FAM240C: variants seen among roughly 807,000 people sequenced by gnomAD.
FAM240C encodes protein FAM240C.
FAM240C carries 14 observed loss-of-function variants against 10.0 expected under a neutral mutation model. That is an observed-to-expected ratio of 1.40 (90% CI 0.92 to 2.19). FAM240C has a LOEUF of 2.19. FAM240C is among the 30% of genes most tolerant of loss of function. The probability of loss-of-function intolerance (pLI) is 0.00; values close to 1 mark genes in which losing one functional copy is unlikely to be tolerated. For synonymous variants in FAM240C, 49 were observed against 44.3 expected (o/e 1.11, Z -0.42); for missense variants, 154 against 122.3 (o/e 1.26, Z -1.22).
upstream of FAM240C, chr2:241,900,483 G>T: frequency 1.5e-6 from 1 of 683,056 alleles, no homozygotes; most frequent in East Asian, 2.7e-5. The surrounding 1 kb of genome is among the most constrained non-coding windows in gnomAD (Gnocchi z 4.5). Context: ...TCAGTGACAC[G>T]CATGCTTGGC....
intron 2 of FAM240C, among the ~76,000 whole-genome samples, chr2:241,896,521 G>A (rs1701811662): frequency 1.5e-5 from 2 of 130,736 alleles, no homozygotes; most frequent in Middle Eastern, 4.1e-3. Context: ...GGGTGTTGGG[G>A]TGTGGGTGTT....
At chr2:241,896,285 A>G (rs1335539612) in intron 2 of FAM240C, among the ~76,000 whole-genome samples, 1 of 151,904 alleles carries the variant, frequency 6.6e-6, no homozygotes, top group Non-Finnish European at 1.5e-5. Flanking sequence ...GCACCCATAG[A>G]CCCCTGGCCT....
intron 2 of FAM240C, 74 bp downstream of exon 2, chr2:241,897,112 G>T: frequency 6.7e-7 from 1 of 1,487,088 alleles, no homozygotes. Flanking sequence ...CACACTGCTG[G>T]CGGGGCTGTG....
intron 1 of FAM240C, 36 bp from the exon 2 acceptor site, chr2:241,897,370 T>G: frequency 1.3e-6 from 2 of 1,543,178 alleles, no homozygotes; most frequent in South Asian, 1.2e-5. Flanking sequence ...CTCAGTCACC[T>G]TATGCCATTC....
intron 1 of FAM240C, chr2:241,899,228 A>G: frequency 7.7e-7 from 1 of 1,303,592 alleles, no homozygotes; most frequent in South Asian, 1.2e-5. Flanking sequence ...GGGGGCTTCC[A>G]GCTGCAGAGG....
intron 2 of FAM240C, among the ~76,000 whole-genome samples, chr2:241,896,889 C>T (rs1006494561): frequency 2.1e-5 from 3 of 142,562 alleles, no homozygotes; most frequent in Non-Finnish European, 3.1e-5. Flanking sequence ...TGTCCGTGGG[C>T]ATTGGGGTGT....
intron 1 of FAM240C, chr2:241,899,352 A>G: frequency 1.0e-6 from 1 of 985,310 alleles, no homozygotes; most frequent in Non-Finnish European, 1.2e-6. Flanking sequence ...CCTTTGTTCC[A>G]GAAACTTAGA....
Position 241,897,242 on chromosome 2 carries a change from A to G in FAM240C, c.105T>C (p.His35=). 1 of 1,549,948 alleles carries G rather than the reference A, an allele frequency of 6.5e-7. No homozygotes were observed. Among genetic ancestry groups the G allele is most frequent in the South Asian group, 1.2e-5 (1 of 84,068 alleles). Residue 35 remains histidine, a synonymous_variant, in exon 2 of 3, where the codon CAT becomes CAC. Coordinates refer to ENST00000404031, the MANE Select transcript of FAM240C (RefSeq NM_001382368.1). ...CCTCGTTCTGCAGGTGTCTTGCGTG[A>G]TGCTCGATTTTTTTCTCCCAAAACA... ...IKMFWEKKIE[H]HARHLQNEDI...
chr2:241,896,955 G>C (rs933522128), intron 2 of FAM240C, among the ~76,000 whole-genome samples: 6 of 151,768 alleles, frequency 4.0e-5, no homozygotes, highest in Admixed American at 6.6e-5. Context: ...GGTTAGCAAC[G>C]TGGTGTCTTG....
chr2:241,900,161 C>A lies in FAM240C; in HGVS notation c.12+197G>T, dbSNP rs1701948618. On this transcript the variant is annotated intron_variant, in intron 1 of 2. Coordinates refer to ENST00000404031, the MANE Select transcript of FAM240C (RefSeq NM_001382368.1). This position sits in a 1 kb window ranked among gnomAD's most constrained non-coding sequence, Gnocchi z 4.5. ...GTGAGGCAGGTGATGGAGACACTCT[C>A]CCCCCACCAAAGGTGTTGACAGCAG... Among the ~76,000 whole-genome samples the A allele has an allele frequency of 6.6e-6, 1 of 152,142 alleles. No homozygotes were observed. The highest frequency in any genetic ancestry group is 2.4e-5 in the African/African-American group (1 of 41,430).
chr2:241,901,722 C>T (rs552940047), upstream of FAM240C, among the ~76,000 whole-genome samples: 1 of 152,324 alleles, frequency 6.6e-6, no homozygotes, highest in African/African-American at 2.4e-5. The surrounding 1 kb of genome is among the most constrained non-coding windows in gnomAD (Gnocchi z 4.9). Flanking sequence ...AAAACCGCTG[C>T]GTGCAGCACC....
upstream of FAM240C, among the ~76,000 whole-genome samples, chr2:241,900,906 G>C (rs1394119871): frequency 1.3e-5 from 2 of 152,078 alleles, no homozygotes; most frequent in Admixed American, 6.5e-5. This position sits in a 1 kb window ranked among gnomAD's most constrained non-coding sequence, Gnocchi z 4.5. Flanking sequence ...GCTGGCTCTC[G>C]CGGTGACAGG....
At chr2:241,898,249 C>T (rs1004473748) in intron 1 of FAM240C, among the ~76,000 whole-genome samples, 3 of 152,180 alleles carry the variant, frequency 2.0e-5, no homozygotes, top group Non-Finnish European at 2.9e-5. Flanking sequence ...TATCAATCTA[C>T]AGCCATCAAG....
intron 1 of FAM240C, among the ~76,000 whole-genome samples, chr2:241,899,822 C>CT (rs1701938367): frequency 6.6e-6 from 1 of 152,200 alleles, no homozygotes; most frequent in Non-Finnish European, 1.5e-5. Context: ...AATCCCAGCA[C>CT]TGTGGGAGGC....
chr2:241,894,288 C>T lies in FAM240C; in HGVS notation c.213G>A (p.Gln71=). 6.5e-7 allele frequency: 1 copy of T among 1,549,746 alleles called. No individual in the cohort carries two copies. The highest frequency in any genetic ancestry group is 8.7e-7 in the Non-Finnish European group (1 of 1,146,706). Residue 71 remains glutamine, a synonymous_variant, in exon 3 of 3, where the codon CAG becomes CAA. Coordinates refer to ENST00000404031, the MANE Select transcript of FAM240C (RefSeq NM_001382368.1). ...CCCTGTCTGGGCATCTCCCTGGGCC[C>T]TGCAGCATCTTGTTCCTCCCCTCCA... ...EQLEGRNKML[Q]GPGRCPDRVP...
chr2:241,901,106 T>G (rs532449870), upstream of FAM240C, among the ~76,000 whole-genome samples: 123 of 152,258 alleles, frequency 8.1e-4, 1 homozygote, highest in African/African-American at 2.9e-3. This position sits in a 1 kb window ranked among gnomAD's most constrained non-coding sequence, Gnocchi z 4.9. Context: ...CGCGGCACCT[T>G]CAGGCCGTCA....
At chr2:241,899,116 T>C in intron 1 of FAM240C, 1 of 1,304,114 alleles carries the variant, frequency 7.7e-7, no homozygotes, top group Non-Finnish European at 1.0e-6. Flanking sequence ...ACACATCACC[T>C]GCTTCAGGTG....
chr2:241,894,438 G>T, intron 2 of FAM240C, 99 bp from the exon 3 acceptor site: 1 of 1,354,134 alleles, frequency 7.4e-7, no homozygotes, highest in Non-Finnish European at 9.9e-7. Flanking sequence ...TGTGAGAGCA[G>T]GAGTATGACA....
At chr2:241,897,391 G>A (rs1259972581) in intron 1 of FAM240C, 57 bp from the exon 2 acceptor site, 2 of 1,526,376 alleles carry the variant, frequency 1.3e-6, no homozygotes, top group Non-Finnish European at 8.8e-7. Context: ...CCATTGACGA[G>A]TTTGTGCTCC....
Sources: allele counts gnomAD v4.1 joint callset (sites outside exome capture counted in the v4.1 genomes callset), GRCh38; gene constraint gnomAD v4.1.1; non-coding constraint Gnocchi (gnomAD v3.1); transcripts MANE v1.5; gene names NCBI Gene and HGNC (gene_info 2026-07-23, HGNC 2026-07-21).